Variants in DOCK4 observed in about 807,000 individuals in gnomAD.
DOCK4 encodes dedicator of cytokinesis 4.
A neutral mutation model predicts 268.1 loss-of-function variants in DOCK4; 97 were observed. That is an observed-to-expected ratio of 0.36 (90% CI 0.31 to 0.43). The LOEUF (loss-of-function observed/expected upper bound fraction) is 0.43. Among genes scored for constraint, DOCK4 ranks in the 20% least tolerant of loss-of-function variants. The pLI is 1.00. For missense variants in DOCK4, 2,145 were observed against 2,455.7 expected, an observed-to-expected ratio of 0.87 and a Z score of 2.67; for synonymous variants, 954 against 887.2, an observed-to-expected ratio of 1.08 and a Z score of -1.34.
At chr7:112,184,633 CTGG>C (rs1819339764) in intron 1 of DOCK4, among the ~76,000 whole-genome samples, 1 of 152,018 alleles carries the variant, frequency 6.6e-6, no homozygotes, top group African/African-American at 2.4e-5. Flanking sequence ...TTGGAGTCAG[CTGG>C]TGACTCCTTC....
intron 1 of DOCK4, among the ~76,000 whole-genome samples, chr7:112,191,779 G>C (rs1455285186): frequency 2.0e-5 from 3 of 151,876 alleles, no homozygotes; most frequent in Non-Finnish European, 4.4e-5. Context: ...GCCCTCTCTA[G>C]GTCTGCTGTA....
chr7:112,045,043 T>G lies in DOCK4; in HGVS notation c.38-40912A>C, dbSNP rs548021512. On this transcript the variant is annotated intron_variant, in intron 1 of 52. Coordinates refer to ENST00000428084, the MANE Select transcript of DOCK4 (RefSeq NM_001363540.2). The stretch of plus-strand genomic sequence containing the variant: ...AAACTCACATCCTTTTCACAGCTAA[T>G]AAAGCCCCAGGTGATCTGGTTCCTC... Among the ~76,000 whole-genome samples, 155 of 152,270 alleles carry G rather than the reference T, an allele frequency of 1.0e-3. 1 individual carries two copies. Among genetic ancestry groups the G allele is most frequent in the African/African-American group, 3.6e-3 (150 of 41,558 alleles).
At chr7:111,934,597 T>A (rs1343243978) in intron 12 of DOCK4, among the ~76,000 whole-genome samples, 1 of 147,264 alleles carries the variant, frequency 6.8e-6, no homozygotes, top group Admixed American at 6.8e-5. Flanking sequence ...TGGCGCGACC[T>A]TGGCTCATTG....
chr7:112,055,956 C>T (rs1490784447), intron 1 of DOCK4, among the ~76,000 whole-genome samples: 2 of 151,582 alleles, frequency 1.3e-5, no homozygotes, highest in Admixed American at 6.6e-5. Context: ...AATGTAATCA[C>T]TGACAAGAAT....
At chr7:111,946,695 C>A (rs1435960644) in intron 8 of DOCK4, among the ~76,000 whole-genome samples, 20 of 152,154 alleles carry the variant, frequency 1.3e-4, no homozygotes, top group Admixed American at 1.3e-3. Flanking sequence ...GATTCTCATA[C>A]CTCAGTCTCC....
At chr7:111,930,207 A>G (rs1278506122) in intron 12 of DOCK4, among the ~76,000 whole-genome samples, 1 of 152,224 alleles carries the variant, frequency 6.6e-6, no homozygotes. Context: ...AACTGTGAAG[A>G]TATAGTAATT....
At position 111,731,163 on chromosome 7, in the gene DOCK4, G is replaced by A. The variant is rs536943686; in HGVS notation, c.5481+1063C>T. On this transcript the variant is annotated intron_variant, in intron 52 of 52. Transcript: ENST00000428084. ...GCATTACAGAATGAGAACAAAACGA[G>A]CAAATCACTTGCACTTACCCGCGAA... Among the ~76,000 whole-genome samples, 4 of 152,250 alleles carry A rather than the reference G, an allele frequency of 2.6e-5. No individual in the cohort carries two copies. In the South Asian group the frequency reaches 8.3e-4, roughly 32 times the overall value.
chr7:112,119,026 G>C (rs761331384), intron 1 of DOCK4, among the ~76,000 whole-genome samples: 5 of 152,152 alleles, frequency 3.3e-5, no homozygotes, highest in Non-Finnish European at 7.3e-5. Context: ...GCAGGGATGG[G>C]ACCAGAGCTA....
chr7:111,884,885 T>C (rs1227370748), intron 16 of DOCK4, among the ~76,000 whole-genome samples: 1 of 152,196 alleles, frequency 6.6e-6, no homozygotes, highest in South Asian at 2.1e-4. Context: ...GGTAGACTTG[T>C]AAGGCAGAAA....
At chr7:111,748,518 G>A (rs1796424814) in intron 42 of DOCK4, among the ~76,000 whole-genome samples, 1 of 152,116 alleles carries the variant, frequency 6.6e-6, no homozygotes, top group Admixed American at 6.6e-5. Flanking sequence ...ATGAAAAGGT[G>A]TTGGGCCTCA....
At chr7:112,081,588 C>T (rs981622329) in intron 1 of DOCK4, among the ~76,000 whole-genome samples, 1 of 152,168 alleles carries the variant, frequency 6.6e-6, no homozygotes, top group Non-Finnish European at 1.5e-5. Context: ...TCTTAAAGGT[C>T]TTGCAACTTA....
At chr7:112,001,767 G>A (rs1181853519) in intron 2 of DOCK4, among the ~76,000 whole-genome samples, 3 of 152,102 alleles carry the variant, frequency 2.0e-5, no homozygotes, top group Non-Finnish European at 4.4e-5. Context: ...TTTATCACAT[G>A]TAAAGGAAAA....
intron 1 of DOCK4, among the ~76,000 whole-genome samples, chr7:112,044,523 C>T (rs1351621608): frequency 2.0e-5 from 3 of 152,044 alleles, no homozygotes; most frequent in Non-Finnish European, 2.9e-5. Context: ...GCCCAAAATT[C>T]ATCTCTTACT....
At chr7:111,959,485 T>G (rs1324251304) in intron 8 of DOCK4, among the ~76,000 whole-genome samples, 2 of 152,200 alleles carry the variant, frequency 1.3e-5, no homozygotes, top group African/African-American at 4.8e-5. Flanking sequence ...GATCATGCTA[T>G]ACATTTTAAA....
At chr7:111,876,128 G>A (rs929135410) in intron 17 of DOCK4, among the ~76,000 whole-genome samples, 1 of 152,098 alleles carries the variant, frequency 6.6e-6, no homozygotes, top group African/African-American at 2.4e-5. Context: ...TGCCAATGGA[G>A]GTTTTATTTA....
intron 1 of DOCK4, among the ~76,000 whole-genome samples, chr7:112,186,530 C>T (rs145055461): frequency 7.3e-4 from 111 of 152,260 alleles, no homozygotes; most frequent in African/African-American, 2.0e-3. Flanking sequence ...GCATGTATGA[C>T]CTTGGCATAG....
rs1031643464 is a variant in DOCK4, at chr7:111,811,883, A to C, written c.2997T>G (p.Phe999Leu). 9 of 1,513,790 alleles carry C rather than the reference A, an allele frequency of 5.9e-6. No homozygotes were observed. The highest frequency in any genetic ancestry group is 1.4e-5 in the African/African-American group (1 of 72,174). The allele number at this position is 1,513,790 out of a possible 1,614,324, so 93.8% of individuals were successfully genotyped here. ...ALRKNFLNENFDYKIWDSYFY... is the reference protein window; with the variant it reads ...ALRKNFLNENLDYKIWDSYFY... ...ATAAATGAATGCTTACCTTATAATC[A>C]AAGTTTTCATTTAAGAAGTTCTTAC... is the stretch of plus-strand genomic sequence containing the variant. Residue 999 changes from phenylalanine to leucine, a missense_variant, in exon 28 of 53, where the codon TTT becomes TTG. Phe to Leu is a conservative substitution (Grantham distance 22). Transcript: ENST00000428084.
chr7:111,780,855 C>T (rs1024634956), intron 35 of DOCK4, among the ~76,000 whole-genome samples: 6 of 152,176 alleles, frequency 3.9e-5, no homozygotes, highest in African/African-American at 7.2e-5. Flanking sequence ...GATAGATTTG[C>T]TTCTTTAATA....
intron 26 of DOCK4, among the ~76,000 whole-genome samples, chr7:111,825,889 AGTT>A (rs1387239500): frequency 6.6e-6 from 1 of 152,242 alleles, no homozygotes; most frequent in African/African-American, 2.4e-5. Flanking sequence ...AAGTAGGAAC[AGTT>A]GTTATGATTT....
Sources: gnomAD v4.1 joint callset for allele counts (sites outside exome capture counted in the v4.1 genomes callset) on GRCh38, gnomAD v4.1.1 for gene constraint, MANE v1.5 for transcripts, NCBI Gene and HGNC (gene_info 2026-07-23, HGNC 2026-07-21) for gene names.